The following TTN variants were observed in gnomAD, a reference collection of about 807,000 sequenced individuals.
The protein encoded by TTN is titin, also known as connectin.
Under a neutral mutation model 3,223.0 loss-of-function variants are expected in TTN, and 1,525 were observed. The observed-to-expected ratio is 0.47, with a 90% CI of 0.45 to 0.49. TTN has a LOEUF of 0.49. TTN is among the 20% of genes least tolerant of loss of function. The pLI is 0.00. For synonymous variants in TTN, 14,094 were observed against 15,161.0 expected (o/e 0.93, Z 5.17); for missense variants, 40,786 against 43,424.0 (o/e 0.94, Z 5.40).
In TTN at chr2:178,560,121, C is replaced by A. The variant is rs1276618314; in HGVS notation, c.86011G>T (p.Ala28671Ser). Residue 28671 changes from alanine to serine, a missense_variant, in exon 326 of 363, where the codon GCC becomes TCC. Coordinates refer to ENST00000589042, the MANE Select transcript of TTN (RefSeq NM_001267550.2). The stretch of plus-strand genomic sequence containing the variant: ...CCATCAAACAGCGGCTTAACCCAGG[C>A]AATAGTTATAGTTGTCTTGCCTGAG... Reference protein sequence around the residue: ...VDSGKTTITIAWVKPLFDGGA... With the variant: ...VDSGKTTITISWVKPLFDGGA... 1.2e-6 allele frequency: 2 copies of A among 1,613,668 alleles called. No individual in the cohort carries two copies. The highest frequency in any genetic ancestry group is 1.1e-5 in the South Asian group (1 of 91,064).
chr2:178,777,279 G>T lies in TTN; in HGVS notation c.4684C>A (p.Leu1562Met). 1 of 1,613,962 alleles carries T rather than the reference G, an allele frequency of 6.2e-7. No homozygotes were observed. Among genetic ancestry groups the T allele is most frequent in the East Asian group, 2.2e-5 (1 of 44,846 alleles). The change falls in exon 27 of 363, where the codon CTG becomes ATG. Residue 1562 changes from leucine to methionine, a missense_variant. Coordinates refer to ENST00000589042, the MANE Select transcript of TTN (RefSeq NM_001267550.2). ...CCTTCCTTTATATTGACATTTTTCA[G>T]TTTTTCTACAAACATCGGTTTTACC... is the stretch of plus-strand genomic sequence containing the variant. ...HQVKPMFVEKLKNVNIKEGSR... is the reference protein window; with the variant it reads ...HQVKPMFVEKMKNVNIKEGSR...
At position 178,528,698 on chromosome 2, in the gene TTN, T is replaced by A; in HGVS notation, c.107053A>T (p.Ile35685Phe). Residue 35685 changes from isoleucine (I) to phenylalanine (F), a missense_variant, in exon 360 of 363, where the codon ATC (isoleucine) becomes TTC (phenylalanine). By Grantham distance (21) the Ile-to-Phe change is conservative. Coordinates refer to ENST00000589042, the MANE Select transcript of TTN (RefSeq NM_001267550.2). ...LTCISKTKEG[I>F]VKCQYDLTLS... The stretch of plus-strand genomic sequence containing the variant: ...GTCAAATCATACTGACACTTGACGA[T>A]TCCTTCCTTGGTTTTGCTTATGCAG... The A allele has an allele frequency of 6.2e-7, 1 of 1,613,640 alleles. No individual in the cohort carries two copies. Among genetic ancestry groups the A allele is most frequent in the South Asian group, 1.1e-5 (1 of 91,022 alleles).
intron 349 of TTN, 55 bp from the exon 350 acceptor site, chr2:178,541,639 G>A (rs1464456323): frequency 6.8e-7 from 1 of 1,460,358 alleles, no homozygotes; most frequent in East Asian, 2.5e-5. Context: ...TTAAAACAAT[G>A]ACTCATATAT....
chr2:178,756,182 A>C, intron 46 of TTN, 40 bp downstream of exon 46: 1 of 1,427,290 alleles, frequency 7.0e-7, no homozygotes, highest in Non-Finnish European at 9.6e-7. Context: ...TAAAGCGATG[A>C]GGATGAAATG....
Position 178,614,576 on chromosome 2 carries a change from T to A in TTN, c.48938A>T (p.Lys16313Ile). 6.2e-7 allele frequency: 1 copy of A among 1,612,394 alleles called. No individual in the cohort carries two copies. Among genetic ancestry groups the A allele is most frequent in the Non-Finnish European group, 8.5e-7 (1 of 1,179,146 alleles). ...KRITIENVPKKSTVTIVDSKR... is the reference protein window; with the variant it reads ...KRITIENVPKISTVTIVDSKR... The stretch of plus-strand genomic sequence containing the variant: ...ACTATCAACAATAGTCACTGTGGAT[T>A]TCTTAGGGACATTTTCAATGGTAAT... Residue 16313 changes from lysine (K) to isoleucine (I), a missense_variant, in exon 261 of 363, where the codon AAA becomes ATA. Transcript: ENST00000589042.
In TTN at chr2:178,724,084, C is replaced by T. The variant is rs755126766; in HGVS notation, c.21175G>A (p.Ala7059Thr). 5.0e-6 allele frequency: 8 copies of T among 1,613,224 alleles called. No homozygotes were observed. The highest frequency in any genetic ancestry group is 1.3e-5 in the African/African-American group (1 of 74,890). ...RLKNTGGVLG[A>T]SCILECKVAG... ...ACTTTGCATTCCAAGATGCAAGAAGCACCTAACACCCCACCAGTATTTTTC... is the reference window on the plus strand; with the variant it reads ...ACTTTGCATTCCAAGATGCAAGAAGTACCTAACACCCCACCAGTATTTTTC... Residue 7059 changes from alanine (A) to threonine (T), a missense_variant, in exon 73 of 363, where the codon GCT becomes ACT. Transcript: ENST00000589042.
chr2:178,675,145 A>G (rs1310252514), intron 149 of TTN, 32 bp from the exon 150 acceptor site: 8 of 1,434,044 alleles, frequency 5.6e-6, no homozygotes, highest in Non-Finnish European at 7.6e-6. Context: ...TAGACACTTA[A>G]AATGCAAGAA....
rs754793630 is a variant in TTN, at chr2:178,715,351, TAG to T, written c.25922-89_25922-88del. ...TCAATCTTCCACTCCATCAGAGAGA[TAG>T]AGAGTGAAAAAAACACTTTCAATTC... On this transcript the variant is annotated intron_variant, in intron 89 of 362. Transcript: ENST00000589042. 8 of 1,509,550 alleles carry T rather than the reference TAG, an allele frequency of 5.3e-6. No homozygotes were observed. The African/African-American group carries it at 9.8e-5, about 18-fold the overall frequency. 93.5% of individuals were successfully genotyped at this position (1,509,550 alleles called of 1,614,324 possible).
At chr2:178,695,841 A>T in intron 114 of TTN, 24 bp downstream of exon 114, 1 of 1,371,694 alleles carries the variant, frequency 7.3e-7, no homozygotes, top group South Asian at 2.2e-5. Flanking sequence ...AAAGAGGGAA[A>T]CAAGTCATTC....
intron 136 of TTN, 98 bp downstream of exon 136, chr2:178,681,563 T>C: frequency 6.8e-7 from 1 of 1,460,680 alleles, no homozygotes; most frequent in Non-Finnish European, 9.4e-7. Flanking sequence ...AACACACACA[T>C]AATTTGTACA....
chr2:178,634,381 G>T lies in TTN; in HGVS notation c.42400C>A (p.Arg14134=), dbSNP rs753341792. The T allele has an allele frequency of 6.2e-7, 1 of 1,607,844 alleles. No individual in the cohort carries two copies. ...GCTCGCTTACCTGTGACAAACAACC[G>T]AGCTGAGGTCTTCTTGCCCTCCACC... The part of the protein sequence containing the change: ...AEVEGKKTSA[R]LFVTGIRLKF... Residue 14134 remains arginine, a synonymous_variant, in exon 230 of 363, where the codon CGG becomes AGG. Transcript: ENST00000589042. This position sits in a 1 kb window ranked among gnomAD's most constrained non-coding sequence, Gnocchi z 4.6.
Position 178,581,694 on chromosome 2 carries a change from G to A in TTN, c.66574C>T (p.Leu22192Phe). The A allele has an allele frequency of 6.2e-7, 1 of 1,612,096 alleles. No homozygotes were observed. The highest frequency in any genetic ancestry group is 8.5e-7 in the Non-Finnish European group (1 of 1,179,006). ...GAGTCAGCCCGTTTTACTTCAACGA[G>A]ATAACCAATGATAGGGCTGCCGCCG... ...YDGGSPIIGY[L>F]VEVKRADSDN... Residue 22192 changes from leucine to phenylalanine, a missense_variant, in exon 316 of 363, where the codon CTC (leucine) becomes TTC (phenylalanine). Transcript: ENST00000589042.
At position 178,558,501 on chromosome 2, in the gene TTN, C is replaced by T; in HGVS notation, c.86958G>A (p.Gln28986=). The T allele has an allele frequency of 1.2e-6, 2 of 1,613,808 alleles. No homozygotes were observed. The highest frequency in any genetic ancestry group is 1.7e-6 in the Non-Finnish European group (2 of 1,179,812). Residue 28986 remains glutamine, a synonymous_variant, in exon 327 of 363, where the codon CAG becomes CAA. Coordinates refer to ENST00000589042, the MANE Select transcript of TTN (RefSeq NM_001267550.2). ...CCACTGCACATTTAACCCAGTTTTTCTGTCCTTTTTCTAGTGCTTCAACGA... is the reference window on the plus strand; with the variant it reads ...CCACTGCACATTTAACCCAGTTTTTTTGTCCTTTTTCTAGTGCTTCAACGA... The part of the protein sequence containing the change: ...HYVVEALEKG[Q]KNWVKCAVAK...
intron 2 of TTN, among the ~76,000 whole-genome samples, chr2:178,802,765 G>C (rs921047251): frequency 3.3e-5 from 5 of 152,230 alleles, no homozygotes; most frequent in Non-Finnish European, 5.9e-5. Flanking sequence ...AAGAACAAAA[G>C]CAGCAAACTG....
chr2:178,541,490 G>C lies in TTN; in HGVS notation c.97587C>G (p.Ser32529=). 2 of 1,613,368 alleles carry C rather than the reference G, an allele frequency of 1.2e-6. No homozygotes were observed. The change falls in exon 350 of 363, where the codon TCC becomes TCG. Residue 32529 remains serine, a synonymous_variant. Coordinates refer to ENST00000589042, the MANE Select transcript of TTN (RefSeq NM_001267550.2). ...TWYPPEDDGG[S]QVTGYIVERK... ...GCTCCACAATATATCCAGTCACTTG[G>C]GAGCCACCGTCATCCTCTGGTGGGT...
At position 178,663,457 on chromosome 2, in the gene TTN, T is replaced by C. The variant is rs756716503; in HGVS notation, c.36592A>G (p.Lys12198Glu). The change falls in exon 172 of 363, where the codon AAG becomes GAG. Residue 12198 changes from lysine to glutamate, a missense_variant. Physicochemically the swap from Lys to Glu is moderately conservative, Grantham distance 56. Coordinates refer to ENST00000589042, the MANE Select transcript of TTN (RefSeq NM_001267550.2). ...CCTTTTGTGGGTGGCACTTCAGGCT[T>C]TTTAGGAGGAGGCACTGGCACTTTC... ...EKKVPVPPPKKPEVPPTKVPE... is the reference protein window; with the variant it reads ...EKKVPVPPPKEPEVPPTKVPE... 2 of 1,611,548 alleles carry C rather than the reference T, an allele frequency of 1.2e-6. No homozygotes were observed. Among genetic ancestry groups the C allele is most frequent in the African/African-American group, 1.3e-5 (1 of 74,564 alleles).
chr2:178,683,989 G>A lies in TTN; in HGVS notation c.32806+10C>T. 1 of 1,475,438 alleles carries A rather than the reference G, an allele frequency of 6.8e-7. No homozygotes were observed. The highest frequency in any genetic ancestry group is 2.2e-5 in the Admixed American group (1 of 45,678). 91.4% of individuals were successfully genotyped at this position (1,475,438 alleles called of 1,614,324 possible). On this transcript the variant is annotated intron_variant, in intron 133 of 362. Coordinates refer to ENST00000589042, the MANE Select transcript of TTN (RefSeq NM_001267550.2). ...TTTGATTTTTTTTTTTTTTTTAAGA[G>A]TCAGTATACCTTTAGCTGGTGGTTC...
chr2:178,564,604 G>A lies in TTN; in HGVS notation c.81528C>T (p.Arg27176=). Reference sequence around the variant, plus strand: ...TTCTTGTAATAACAATGGCTTCAGGGCGACCAGGTGGGTCACATGGATCAC... The same window carrying A: ...TTCTTGTAATAACAATGGCTTCAGGACGACCAGGTGGGTCACATGGATCAC... The part of the protein sequence containing the change: ...VARDPCDPPG[R]PEAIVITRNN... Residue 27176 remains arginine, a synonymous_variant, in exon 326 of 363, where the codon CGC becomes CGT. Coordinates refer to ENST00000589042, the MANE Select transcript of TTN (RefSeq NM_001267550.2). 6.2e-7 allele frequency: 1 copy of A among 1,613,406 alleles called. No homozygotes were observed. Among genetic ancestry groups the A allele is most frequent in the Non-Finnish European group, 8.5e-7 (1 of 1,179,684 alleles).
intron 278 of TTN, among the ~76,000 whole-genome samples, chr2:178,606,022 T>G (rs1350960594): frequency 2.0e-5 from 3 of 152,106 alleles, no homozygotes; most frequent in East Asian, 3.9e-4. Context: ...TCTACTGAAC[T>G]AGGAAAGTAA....
Sources: gnomAD v4.1 joint callset for allele counts (sites outside exome capture counted in the v4.1 genomes callset) on GRCh38, gnomAD v4.1.1 for gene constraint, Gnocchi (gnomAD v3.1) non-coding constraint, MANE v1.5 for transcripts, NCBI Gene and HGNC (gene_info 2026-07-23, HGNC 2026-07-21) for gene names.